The following USP24 variants were observed in gnomAD, a reference collection of about 807,000 sequenced individuals.
USP24 encodes ubiquitin carboxyl-terminal hydrolase 24.
In USP24, 97 loss-of-function variants were observed where a neutral mutation model predicts 361.6. The ratio of observed to expected loss-of-function variants is 0.27; its 90% CI spans 0.23 to 0.32. USP24 has a LOEUF of 0.32. USP24 is among the 10% of genes least tolerant of loss of function. USP24 has a pLI of 1.00. For synonymous variants in USP24, 1,098 were observed against 1,124.6 expected (o/e 0.98, Z 0.47); for missense variants, 2,353 against 3,165.6 (o/e 0.74, Z 6.16).
At chr1:55,157,754 A>G (rs963157237) in intron 10 of USP24, among the ~76,000 whole-genome samples, 1 of 151,758 alleles carries the variant, frequency 6.6e-6, no homozygotes, top group African/African-American at 2.4e-5. Context: ...GAATTGCTTG[A>G]ACCTAGGAGG....
intron 1 of USP24, among the ~76,000 whole-genome samples, chr1:55,186,229 G>A (rs1644126870): frequency 6.6e-6 from 1 of 152,036 alleles, no homozygotes. Flanking sequence ...AAATGGACAA[G>A]GAAATTTCAC....
intron 8 of USP24, 142 bp downstream of exon 8, chr1:55,162,057 G>T: frequency 1.5e-6 from 1 of 666,108 alleles, no homozygotes; most frequent in Non-Finnish European, 2.4e-6. Flanking sequence ...TTATCTGATG[G>T]CATTTTTATT....
At position 55,071,195 on chromosome 1, in the gene USP24, G is replaced by A. The variant is rs1156854753; in HGVS notation, c.7800+619C>T. 5 of 986,272 alleles carry A rather than the reference G, an allele frequency of 5.1e-6. No homozygotes were observed. In the African/African-American group the frequency reaches 5.2e-5, roughly 10 times the overall value. 61.1% of individuals were successfully genotyped at this position (986,272 alleles called of 1,614,324 possible). Reference sequence around the variant, plus strand: ...CTATTCTGTACCAAGTACTGTGAAGGGACCACAGAGGAGACTGCTGTTAAG... The same window carrying A: ...CTATTCTGTACCAAGTACTGTGAAGAGACCACAGAGGAGACTGCTGTTAAG... On this transcript the variant is annotated intron_variant, in intron 67 of 67. Transcript: ENST00000294383.
intron 16 of USP24, 38 bp downstream of exon 16, chr1:55,153,831 TA>T: frequency 9.2e-6 from 14 of 1,518,516 alleles, no homozygotes; most frequent in Non-Finnish European, 1.2e-5. Context: ...ATTATTAAAC[TA>T]GTATACCTTT....
In USP24 at chr1:55,068,845, G is replaced by C. The variant is rs1644863845; in HGVS notation, c.*200C>G. ...CGGGACAGCTGATCCACATGCCGGA[G>C]TTCTCCCACTGCCAAACAGCTCCCA... On this transcript the variant is annotated 3_prime_UTR_variant, in exon 68 of 68. Transcript: ENST00000294383. 1 of 581,668 alleles carries C rather than the reference G, an allele frequency of 1.7e-6. No homozygotes were observed. The highest frequency in any genetic ancestry group is 3.0e-6 in the Non-Finnish European group (1 of 330,568). 36.0% of individuals were successfully genotyped at this position (581,668 alleles called of 1,614,324 possible). A position where few individuals can be genotyped will look rare whatever the true frequency, so the allele number is the denominator to read the frequency against.
intron 16 of USP24, 103 bp downstream of exon 16, chr1:55,153,767 G>T: frequency 8.1e-7 from 1 of 1,232,682 alleles, no homozygotes; most frequent in Non-Finnish European, 1.1e-6. Context: ...TGAACATTAA[G>T]AAACACTAAA....
chr1:55,069,215 A>AT, intron 67 of USP24, 108 bp from the exon 68 acceptor site: 1 of 1,033,972 alleles, frequency 9.7e-7, no homozygotes, highest in Non-Finnish European at 1.5e-6. Context: ...ACTTAATGCA[A>AT]TGTTTATCAA....
At chr1:55,168,322 TTCTG>T (rs1649093737) in intron 5 of USP24, among the ~76,000 whole-genome samples, 2 of 152,244 alleles carry the variant, frequency 1.3e-5, no homozygotes, top group East Asian at 1.9e-4. Flanking sequence ...GTTAGTAGAC[TTCTG>T]TCTAAGTATC....
intron 36 of USP24, 103 bp downstream of exon 36, chr1:55,123,344 T>C (rs1402506940): frequency 3.0e-6 from 4 of 1,335,360 alleles, no homozygotes; most frequent in Non-Finnish European, 4.0e-6. Flanking sequence ...GCCTTTTTCA[T>C]TTTGACCAAT....
chr1:55,156,660 A>C (rs13376590), intron 12 of USP24, among the ~76,000 whole-genome samples: 6,361 of 152,180 alleles, frequency 0.042, 347 homozygotes, highest in African/African-American at 0.13. Context: ...TTGATAAACA[A>C]AGACACACAC....
At chr1:55,134,282 G>A (rs766050035) in intron 29 of USP24, 46 bp downstream of exon 29, 1 of 1,583,806 alleles carries the variant, frequency 6.3e-7, no homozygotes, top group Admixed American at 1.7e-5. Context: ...GCTCCCTAAT[G>A]TTAGTAACTT....
chr1:55,077,916 T>C (rs1292915451), intron 61 of USP24, among the ~76,000 whole-genome samples: 3 of 152,206 alleles, frequency 2.0e-5, no homozygotes, highest in Admixed American at 6.5e-5. Context: ...AAGTCAGTCA[T>C]AGAGGAAGAA....
At chr1:55,160,112 CATACA>C (rs1327692106) in intron 8 of USP24, among the ~76,000 whole-genome samples, 1 of 152,152 alleles carries the variant, frequency 6.6e-6, no homozygotes, top group Non-Finnish European at 1.5e-5. Flanking sequence ...AGATGAAATT[CATACA>C]ATACACTGCT....
At chr1:55,130,711 T>C (rs998154) in intron 31 of USP24, among the ~76,000 whole-genome samples, 15,843 of 152,222 alleles carry the variant, frequency 0.1, 1,087 homozygotes, top group Non-Finnish European at 0.16. Flanking sequence ...ACATGGACAC[T>C]CTGACCCCAG....
chr1:55,119,624 A>G (rs1196532390), intron 38 of USP24, among the ~76,000 whole-genome samples: 1 of 152,106 alleles, frequency 6.6e-6, no homozygotes, highest in African/African-American at 2.4e-5. Flanking sequence ...GTGTCTTTGA[A>G]CAGTCTGTTT....
chr1:55,193,436 T>G (rs888680213), intron 1 of USP24, among the ~76,000 whole-genome samples: 2 of 152,200 alleles, frequency 1.3e-5, no homozygotes, highest in South Asian at 4.1e-4. Context: ...AAAGGTGATA[T>G]CTTACATATA....
chr1:55,091,929 C>A, intron 54 of USP24, 94 bp downstream of exon 54: 1 of 940,750 alleles, frequency 1.1e-6, no homozygotes, highest in Non-Finnish European at 1.6e-6. Flanking sequence ...AATTAGGTAG[C>A]TGCTTTCACA....
At chr1:55,181,051 ATT>A (rs201373052) in intron 1 of USP24, among the ~76,000 whole-genome samples, 401 of 147,350 alleles carry the variant, frequency 2.7e-3, no homozygotes, top group African/African-American at 9.5e-3. Flanking sequence ...ACTAGTTTGT[ATT>A]TTTTTTTTTT....
chr1:55,075,370 A>G, intron 63 of USP24, 87 bp downstream of exon 63: 1 of 1,278,308 alleles, frequency 7.8e-7, no homozygotes, highest in Non-Finnish European at 1.1e-6. Context: ...GATCCCACCG[A>G]GAGTAGCAGG....
Sources: allele counts gnomAD v4.1 joint callset (sites outside exome capture counted in the v4.1 genomes callset), GRCh38; gene constraint gnomAD v4.1.1; transcripts MANE v1.5; gene names NCBI Gene and HGNC (gene_info 2026-07-23, HGNC 2026-07-21).